The following ATRX variants were observed in gnomAD, a reference collection of about 807,000 sequenced individuals.
ATRX encodes chromatin remodeler ATRX.
A neutral mutation model predicts 172.6 loss-of-function variants in ATRX; 12 were observed. That is an observed-to-expected ratio of 0.07 (90% CI 0.04 to 0.11). The LOEUF (loss-of-function observed/expected upper bound fraction) is 0.11, where lower values mean the gene tolerates loss of function less well. Ranked by LOEUF, ATRX falls within the 10% of genes least tolerant of loss-of-function variation. The pLI is 1.00. For missense variants in ATRX, 1,368 were observed against 1,767.4 expected, an observed-to-expected ratio of 0.77 and a Z score of 4.05; for synonymous variants, 674 against 594.7, an observed-to-expected ratio of 1.13 and a Z score of -1.94.
At chrX:77,558,154 CATTA>C (rs1334692048) in intron 29 of ATRX, among the ~76,000 whole-genome samples, 3 of 109,594 alleles carry the variant, frequency 2.7e-5, no homozygotes, top group Non-Finnish European at 5.7e-5. Flanking sequence ...ATATAAACTA[CATTA>C]ATTAAATGTA....
intron 30 of ATRX, among the ~76,000 whole-genome samples, chrX:77,552,333 A>G (rs1257981624): frequency 9.2e-6 from 1 of 108,950 alleles, no homozygotes; most frequent in Non-Finnish European, 1.9e-5. Context: ...GAAGCTGGAA[A>G]CCATCATTCT....
intron 15 of ATRX, among the ~76,000 whole-genome samples, chrX:77,636,813 G>A (rs1335816696): frequency 9.4e-6 from 1 of 106,475 alleles, no homozygotes; most frequent in Admixed American, 1.0e-4. Flanking sequence ...GAAGAAGGAG[G>A]AGGAGGAGGA....
intron 1 of ATRX, among the ~76,000 whole-genome samples, chrX:77,771,205 G>A (rs1603339136): frequency 9.1e-6 from 1 of 109,738 alleles, no homozygotes; most frequent in South Asian, 3.9e-4. Context: ...GGTGAAACCC[G>A]GTCTCTACTA....
intron 2 of ATRX, among the ~76,000 whole-genome samples, chrX:77,707,239 G>A (rs1557157518): frequency 8.9e-6 from 1 of 112,030 alleles, no homozygotes; most frequent in African/African-American, 3.2e-5. Context: ...AGTATGTGAT[G>A]GGTACAGAGT....
At chrX:77,541,585 C>A (rs1003692499) in intron 30 of ATRX, among the ~76,000 whole-genome samples, 1 of 111,582 alleles carries the variant, frequency 9.0e-6, no homozygotes, top group African/African-American at 3.3e-5. Flanking sequence ...ACTGGCAAAC[C>A]GAATCCAGCA....
In ATRX at chrX:77,785,984, C is replaced by G; in HGVS notation, c.18G>C (p.Met6Ile). The change falls in exon 1 of 35, where the codon ATG (methionine) becomes ATC (isoleucine). Residue 6 changes from methionine (M) to isoleucine (I), a missense_variant and splice_region_variant. Physicochemically the swap from Met to Ile is conservative, Grantham distance 10. Around this residue, in one of 17 missense-constraint regions of ATRX, gnomAD observed 84 missense variants for 82.8 expected, o/e 1.01. Coordinates refer to ENST00000373344, the MANE Select transcript of ATRX (RefSeq NM_000489.6). ...CATGAGACGGGGTTGCGTTTTACCTCATGGGCTCAGCGGTCATGTTTTCGC... is the reference window on the plus strand; with the variant it reads ...CATGAGACGGGGTTGCGTTTTACCTGATGGGCTCAGCGGTCATGTTTTCGC... MTAEP[M>I]SESKLNTLVQ... 8.4e-7 allele frequency: 1 copy of G among 1,194,509 alleles called. No individual in the cohort carries two copies. Among genetic ancestry groups the G allele is most frequent in the South Asian group, 1.8e-5 (1 of 54,440 alleles).
intron 9 of ATRX, among the ~76,000 whole-genome samples, chrX:77,679,148 T>C (rs1405669560): frequency 9.0e-6 from 1 of 111,201 alleles, no homozygotes; most frequent in Non-Finnish European, 1.9e-5. Context: ...CAGCGCTTAT[T>C]TTCAAGGCAC....
intron 22 of ATRX, among the ~76,000 whole-genome samples, chrX:77,601,647 TA>T (rs2066681680): frequency 9.0e-6 from 1 of 111,563 alleles, no homozygotes; most frequent in Admixed American, 9.6e-5. Context: ...AAGAAGGTAA[TA>T]TGCAAAAGAA....
intron 1 of ATRX, among the ~76,000 whole-genome samples, chrX:77,770,234 C>G (rs1460322353): frequency 9.1e-6 from 1 of 109,432 alleles, no homozygotes; most frequent in Non-Finnish European, 1.9e-5. Context: ...TCCTGAGCAG[C>G]TGGGATTACA....
At chrX:77,711,840 AAACC>A (rs1236071041) in intron 2 of ATRX, among the ~76,000 whole-genome samples, 1 of 112,291 alleles carries the variant, frequency 8.9e-6, no homozygotes, top group Non-Finnish European at 1.9e-5. Context: ...GTCTCAAAAA[AAACC>A]AACCAACCAA....
intron 27 of ATRX, among the ~76,000 whole-genome samples, chrX:77,574,733 C>T (rs1557069440): frequency 1.8e-5 from 2 of 111,656 alleles, no homozygotes; most frequent in African/African-American, 6.5e-5. Flanking sequence ...TCCTTATCAA[C>T]AACTTGATAA....
intron 1 of ATRX, among the ~76,000 whole-genome samples, chrX:77,743,919 A>G (rs1241967601): frequency 8.9e-6 from 1 of 112,313 alleles, no homozygotes; most frequent in Non-Finnish European, 1.9e-5. Flanking sequence ...AGACAGGCCT[A>G]TTAGGCATTC....
chrX:77,771,182 G>C (rs1262057920), intron 1 of ATRX, among the ~76,000 whole-genome samples: 1 of 110,645 alleles, frequency 9.0e-6, no homozygotes, highest in Non-Finnish European at 1.9e-5. Flanking sequence ...TCTGAGACTA[G>C]TCTGGCCAAC....
intron 1 of ATRX, among the ~76,000 whole-genome samples, chrX:77,781,820 G>C (rs1470048264): frequency 9.0e-6 from 1 of 111,600 alleles, no homozygotes; most frequent in Non-Finnish European, 1.9e-5. Flanking sequence ...TCACGGTCTG[G>C]GGGAAAGCAC....
intron 28 of ATRX, among the ~76,000 whole-genome samples, chrX:77,572,714 T>C (rs1019446648): frequency 1.8e-5 from 2 of 112,089 alleles, no homozygotes; most frequent in African/African-American, 6.5e-5. Flanking sequence ...AAATAATAAT[T>C]TGTTTAAACA....
intron 1 of ATRX, among the ~76,000 whole-genome samples, chrX:77,783,168 G>T (rs1489117715): frequency 9.0e-6 from 1 of 111,197 alleles, no homozygotes; most frequent in Admixed American, 9.6e-5. Flanking sequence ...CTGGGAGGCG[G>T]AGGCGGCAGT....
At chrX:77,705,992 A>T (rs999050958) in intron 2 of ATRX, among the ~76,000 whole-genome samples, 4 of 109,262 alleles carry the variant, frequency 3.7e-5, no homozygotes, top group African/African-American at 1.3e-4. Context: ...TTTTTTTTTT[A>T]ATTTTTTTTT....
At chrX:77,766,263 C>T (rs782495502) in intron 1 of ATRX, among the ~76,000 whole-genome samples, 1,321 of 110,122 alleles carry the variant, frequency 0.012, 13 homozygotes, top group African/African-American at 0.041. Context: ...CCAGCAGGGG[C>T]GGCCGGGCAG....
At chrX:77,518,398 A>G (rs1317173617) in intron 34 of ATRX, among the ~76,000 whole-genome samples, 3 of 112,062 alleles carry the variant, frequency 2.7e-5, no homozygotes, top group African/African-American at 9.7e-5. Context: ...AAGTAATCCC[A>G]TTTACAGTAG....
Sources: gnomAD v4.1 joint callset for allele counts (sites outside exome capture counted in the v4.1 genomes callset) on GRCh38, gnomAD v4.1.1 for gene constraint, gnomAD v4.1.1 regional missense constraint, MANE v1.5 for transcripts, NCBI Gene and HGNC (gene_info 2026-07-23, HGNC 2026-07-21) for gene names.